TMPRSS15: variants seen among roughly 807,000 people sequenced by gnomAD.
TMPRSS15 encodes transmembrane serine protease 15, also known as enteropeptidase.
In TMPRSS15, 128 loss-of-function variants were observed where a neutral mutation model predicts 125.3. The ratio of observed to expected loss-of-function variants is 1.02; its 90% CI spans 0.89 to 1.18. The LOEUF (loss-of-function observed/expected upper bound fraction) is 1.18, where lower values mean the gene tolerates loss of function less well. Among genes scored for constraint, TMPRSS15 ranks in the 50% most tolerant of loss-of-function variants. The pLI is 0.00. For missense variants in TMPRSS15, 1,283 were observed against 1,212.7 expected (o/e 1.06, Z -0.86); for synonymous variants, 446 against 423.2 (o/e 1.05, Z -0.66).
At chr21:18,470,103 A>G (rs1364103566) in intron 1 of TMPRSS15, among the ~76,000 whole-genome samples, 2 of 152,046 alleles carry the variant, frequency 1.3e-5, no homozygotes, top group Non-Finnish European at 2.9e-5. Flanking sequence ...CATGAATACT[A>G]TAGAGTCAGG....
At chr21:18,377,896 C>G (rs2075858951) in intron 5 of TMPRSS15, among the ~76,000 whole-genome samples, 1 of 152,038 alleles carries the variant, frequency 6.6e-6, no homozygotes, top group South Asian at 2.1e-4. Context: ...TCAGCCAATT[C>G]TTTATACTTT....
chr21:18,283,949 T>G (rs75423904), intron 21 of TMPRSS15, among the ~76,000 whole-genome samples: 1 of 152,168 alleles, frequency 6.6e-6, no homozygotes, highest in African/African-American at 2.4e-5. Flanking sequence ...AAAACCAATA[T>G]ATGAACCAGG....
At chr21:18,314,518 T>C (rs1192475419) in intron 17 of TMPRSS15, among the ~76,000 whole-genome samples, 1 of 152,154 alleles carries the variant, frequency 6.6e-6, no homozygotes, top group Admixed American at 6.6e-5. Flanking sequence ...CCTCAGATGA[T>C]CTGCCCACCT....
chr21:18,358,518 G>C (rs1242286349), intron 8 of TMPRSS15, among the ~76,000 whole-genome samples: 4 of 151,710 alleles, frequency 2.6e-5, no homozygotes, highest in Non-Finnish European at 2.9e-5. Flanking sequence ...TTATGAAATG[G>C]TTGGCCCATT....
chr21:18,352,640 A>G (rs902540180), intron 10 of TMPRSS15, among the ~76,000 whole-genome samples: 1 of 151,992 alleles, frequency 6.6e-6, no homozygotes, highest in Non-Finnish European at 1.5e-5. Context: ...TAGGATGACA[A>G]CCTAGTCTTG....
intron 18 of TMPRSS15, among the ~76,000 whole-genome samples, chr21:18,306,737 A>AGGGAAATGCTATTTGCT (rs1427913985): frequency 6.6e-6 from 1 of 152,130 alleles, no homozygotes; most frequent in Non-Finnish European, 1.5e-5. Flanking sequence ...GGTTAGTAAC[A>AGGGAAATGCTATTTGCT]GGGAAATGCT....
intron 22 of TMPRSS15, 131 bp downstream of exon 22, chr21:18,280,909 A>T: frequency 1.0e-6 from 1 of 993,928 alleles, no homozygotes; most frequent in Non-Finnish European, 1.5e-6. Flanking sequence ...AATCCCATTT[A>T]AGTTCCAATG....
At chr21:18,294,476 T>G in intron 20 of TMPRSS15, 32 bp from the exon 21 acceptor site, 1 of 1,613,878 alleles carries the variant, frequency 6.2e-7, no homozygotes, top group Non-Finnish European at 8.5e-7. Context: ...GAGCATCTAT[T>G]TCATTTTTGG....
chr21:18,435,322 TGA>T (rs1350660797), intron 1 of TMPRSS15, among the ~76,000 whole-genome samples: 1 of 152,220 alleles, frequency 6.6e-6, no homozygotes, highest in Non-Finnish European at 1.5e-5. Context: ...CCTAATTCAT[TGA>T]GAGTTTTTAG....
intron 13 of TMPRSS15, among the ~76,000 whole-genome samples, chr21:18,333,790 T>C (rs915149222): frequency 6.6e-6 from 1 of 152,128 alleles, no homozygotes; most frequent in Non-Finnish European, 1.5e-5. Flanking sequence ...GTAGGTAGAT[T>C]AACTTTATAA....
chr21:18,290,773 T>C lies in TMPRSS15; in HGVS notation c.2486+3497A>G, dbSNP rs2074824107. ...GATTCTGTAGGAAGTGTCCTGTTTT[T>C]AGTAAAAATACTCTGAGTACTTAAG... On this transcript the variant is annotated intron_variant, in intron 21 of 24. Coordinates refer to ENST00000284885, the MANE Select transcript of TMPRSS15 (RefSeq NM_002772.3). Among the ~76,000 whole-genome samples the C allele has an allele frequency of 2.0e-5, 3 of 152,162 alleles. No individual in the cohort carries two copies. In the South Asian group the frequency reaches 6.2e-4, roughly 31 times the overall value.
chr21:18,279,866 G>A (rs1279606773), intron 22 of TMPRSS15, among the ~76,000 whole-genome samples: 1 of 151,800 alleles, frequency 6.6e-6, no homozygotes, highest in Non-Finnish European at 1.5e-5. Context: ...TGTTTTACAG[G>A]GCAATTATGG....
chr21:18,351,392 C>A (rs2075566821), intron 10 of TMPRSS15, among the ~76,000 whole-genome samples: 1 of 152,050 alleles, frequency 6.6e-6, no homozygotes, highest in Non-Finnish European at 1.5e-5. Context: ...GTGTCCCCAC[C>A]CAAATCTCAT....
chr21:18,374,596 A>G (rs1370251981), intron 5 of TMPRSS15, among the ~76,000 whole-genome samples: 1 of 151,988 alleles, frequency 6.6e-6, no homozygotes, highest in Non-Finnish European at 1.5e-5. Flanking sequence ...GTTTGGTACC[A>G]GATTCTAGGA....
Position 18,275,293 on chromosome 21 carries a change from T to C in TMPRSS15, c.2808A>G (p.Leu936=), listed in dbSNP as rs1029714399. The change falls in exon 24 of 25, where the codon CTA becomes CTG. Residue 936 remains leucine (L), a synonymous_variant. Transcript: ENST00000284885. ...TCTGCTGTTGGCATCTCTCATTTGA[T>C]AGAAGAGGAACATCAGCTTCTTGCA... ...NILQEADVPL[L]SNERCQQQMP... 2 of 1,614,118 alleles carry C rather than the reference T, an allele frequency of 1.2e-6. No individual in the cohort carries two copies. Among genetic ancestry groups the C allele is most frequent in the African/African-American group, 1.3e-5 (1 of 75,062 alleles).
intron 16 of TMPRSS15, among the ~76,000 whole-genome samples, chr21:18,319,398 A>G (rs922742919): frequency 1.7e-5 from 2 of 117,884 alleles, no homozygotes; most frequent in Non-Finnish European, 3.5e-5. Context: ...AAACAGTAAC[A>G]GTAAAAAAAA....
intron 1 of TMPRSS15, among the ~76,000 whole-genome samples, chr21:18,428,326 T>C (rs149220990): frequency 9.1e-4 from 138 of 152,230 alleles, no homozygotes; most frequent in African/African-American, 3.2e-3. Context: ...AGGCTGACAA[T>C]TTGATAGAAA....
rs2075870865 is a variant in TMPRSS15 at position 18,379,278 on chromosome 21, C to T, written c.532+5G>A. On this transcript the variant is annotated splice_donor_5th_base_variant and intron_variant, in intron 5 of 24. Coordinates refer to ENST00000284885, the MANE Select transcript of TMPRSS15 (RefSeq NM_002772.3). Reference sequence around the variant, plus strand: ...AAAAATAATAATAATATTATTAAAACTGACCTGGAGTTGCCAGATGACTGG... The same window carrying T: ...AAAAATAATAATAATATTATTAAAATTGACCTGGAGTTGCCAGATGACTGG... 2.3e-6 allele frequency: 3 copies of T among 1,307,484 alleles called. No homozygotes were observed. Among genetic ancestry groups the T allele is most frequent in the African/African-American group, 1.5e-5 (1 of 66,206 alleles). 81.0% of individuals were successfully genotyped at this position (1,307,484 alleles called of 1,614,324 possible). A position where few individuals can be genotyped will look rare whatever the true frequency, so the allele number is the denominator to read the frequency against.
Position 18,281,163 on chromosome 21 carries a change from G to A in TMPRSS15, c.2545C>T (p.Leu849=). The A allele has an allele frequency of 6.2e-7, 1 of 1,614,070 alleles. No individual in the cohort carries two copies. The highest frequency in any genetic ancestry group is 8.5e-7 in the Non-Finnish European group (1 of 1,179,992). The change falls in exon 22 of 25, where the codon CTG becomes TTG. Residue 849 remains leucine (L), a synonymous_variant. Transcript: ENST00000284885. ...CGAGGGACTGTTTGAGGAGAGGTCA[G>A]ATTTGATTTCATATGCAGGCCTAGG... ...AILGLHMKSN[L]TSPQTVPRLI... is the part of the protein sequence containing the mutation.
Sources: gnomAD v4.1 joint callset for allele counts (sites outside exome capture counted in the v4.1 genomes callset) on GRCh38, gnomAD v4.1.1 for gene constraint, MANE v1.5 for transcripts, NCBI Gene and HGNC (gene_info 2026-07-23, HGNC 2026-07-21) for gene names.